The following PSTPIP2 variants were observed in gnomAD, a reference collection of about 807,000 sequenced individuals.
The protein encoded by PSTPIP2 is proline-serine-threonine phosphatase-interacting protein 2.
In PSTPIP2, 33 loss-of-function variants were observed where a neutral mutation model predicts 63.3. The ratio of observed to expected loss-of-function variants is 0.52; its 90% CI spans 0.40 to 0.70. PSTPIP2 has a LOEUF of 0.70. PSTPIP2 is among the 30% of genes least tolerant of loss of function. The probability of loss-of-function intolerance (pLI) is 0.00; values close to 1 mark genes in which losing one functional copy is unlikely to be tolerated. For missense variants in PSTPIP2, 312 were observed against 400.7 expected, an observed-to-expected ratio of 0.78 and a Z score of 1.89; for synonymous variants, 125 against 132.7, an observed-to-expected ratio of 0.94 and a Z score of 0.40.
intron 9 of PSTPIP2, among the ~76,000 whole-genome samples, chr18:45,994,248 A>T (rs1476389048): frequency 6.6e-6 from 1 of 152,238 alleles, no homozygotes; most frequent in East Asian, 1.9e-4. Context: ...ATCACCTTTA[A>T]AAAAATCAAG....
chr18:45,992,043 A>T (rs2051540398), intron 11 of PSTPIP2, 60 bp from the exon 12 acceptor site: 2 of 1,593,860 alleles, frequency 1.3e-6, no homozygotes, highest in Admixed American at 1.7e-5. Flanking sequence ...CCTTAATGAC[A>T]TCTAACAAGA....
chr18:46,016,072 A>G (rs2051850100), intron 3 of PSTPIP2, 135 bp from the exon 4 acceptor site: 1 of 943,972 alleles, frequency 1.1e-6, no homozygotes, highest in Non-Finnish European at 1.6e-6. Flanking sequence ...CATGAGCTAG[A>G]GAGACAGCAA....
At chr18:46,036,068 A>G (rs576570697) in intron 2 of PSTPIP2, among the ~76,000 whole-genome samples, 61 of 150,694 alleles carry the variant, frequency 4.0e-4, no homozygotes, top group African/African-American at 1.4e-3. Flanking sequence ...TTTGTTACTT[A>G]CAGTATTATT....
At chr18:46,005,313 A>G (rs529432005) in intron 6 of PSTPIP2, among the ~76,000 whole-genome samples, 156 bp downstream of exon 6, 16 of 152,200 alleles carry the variant, frequency 1.1e-4, no homozygotes, top group Non-Finnish European at 1.8e-4. Flanking sequence ...ACAAAAAAGA[A>G]AACCCAAAGC....
intron 2 of PSTPIP2, among the ~76,000 whole-genome samples, chr18:46,035,164 G>A (rs975668733): frequency 6.6e-6 from 1 of 152,106 alleles, no homozygotes; most frequent in Non-Finnish European, 1.5e-5. Context: ...GCTCACACCT[G>A]TAATCCCAGC....
chr18:45,992,340 A>C (rs1158393905), intron 10 of PSTPIP2, 138 bp from the exon 11 acceptor site: 5 of 693,978 alleles, frequency 7.2e-6, no homozygotes, highest in Non-Finnish European at 1.3e-5. Flanking sequence ...GGGTGGGCGG[A>C]TCACAAGGTC....
chr18:45,994,629 A>G (rs2051574237), intron 9 of PSTPIP2, among the ~76,000 whole-genome samples: 1 of 152,206 alleles, frequency 6.6e-6, no homozygotes, highest in Non-Finnish European at 1.5e-5. Flanking sequence ...AAATAAAACA[A>G]AACTTCCAAC....
At chr18:46,055,810 G>A (rs1314562494) in intron 1 of PSTPIP2, among the ~76,000 whole-genome samples, 1 of 152,108 alleles carries the variant, frequency 6.6e-6, no homozygotes, top group African/African-American at 2.4e-5. Flanking sequence ...TTTTTTATTA[G>A]TAGTAAAGTA....
chr18:46,021,678 G>T (rs1907357370), intron 3 of PSTPIP2, among the ~76,000 whole-genome samples: 1 of 151,180 alleles, frequency 6.6e-6, no homozygotes, highest in African/African-American at 2.4e-5. Context: ...AGAGACGGTG[G>T]CTCATGCCTG....
chr18:46,045,633 C>T lies in PSTPIP2; in HGVS notation c.34-5586G>A, dbSNP rs965649693. Among the ~76,000 whole-genome samples the T allele has an allele frequency of 1.3e-4, 20 of 151,730 alleles. No homozygotes were observed. The East Asian group carries it at 3.3e-3, about 25-fold the overall frequency. ...ATATGTAACTAACCTGCACATTGTG[C>T]ACATGTACCCTAAAACTTAAAGTAT... On this transcript the variant is annotated intron_variant, in intron 1 of 14. Transcript: ENST00000409746.
intron 2 of PSTPIP2, chr18:46,028,809 G>A: frequency 2.7e-6 from 4 of 1,462,650 alleles, no homozygotes; most frequent in Admixed American, 3.4e-5. Context: ...AGACTAATAA[G>A]CTGAAAACAA....
chr18:46,043,386 G>C (rs1201922791), intron 1 of PSTPIP2, among the ~76,000 whole-genome samples: 1 of 150,174 alleles, frequency 6.7e-6, no homozygotes, highest in Non-Finnish European at 1.5e-5. Flanking sequence ...GTGAGCCCCT[G>C]TCTCAAAATG....
chr18:46,040,355 T>G (rs2144111569), intron 1 of PSTPIP2: 1 of 254,032 alleles, frequency 3.9e-6, no homozygotes, highest in East Asian at 9.8e-5. Context: ...AGATGTTTGG[T>G]TCCCTATAGA....
At chr18:46,042,777 C>T (rs1908238209) in intron 1 of PSTPIP2, among the ~76,000 whole-genome samples, 1 of 152,132 alleles carries the variant, frequency 6.6e-6, no homozygotes, top group Non-Finnish European at 1.5e-5. Flanking sequence ...CTTGGTGCAT[C>T]GTGCAGCCCT....
rs2051440566 is a variant in PSTPIP2, at chr18:45,983,747, G to A, written c.*1712C>T. On this transcript the variant is annotated 3_prime_UTR_variant, in exon 15 of 15. Transcript: ENST00000409746. ...ATTTCCTGAGCCCGTTCAGTTTGGG[G>A]AAATTTGGCCCTTTGCAAAATTCAG... The A allele has an allele frequency of 6.6e-6, 1 of 152,166 alleles. No homozygotes were observed. Among genetic ancestry groups the A allele is most frequent in the South Asian group, 2.1e-4 (1 of 4,834 alleles). 9.4% of individuals were successfully genotyped at this position (152,166 alleles called of 1,614,324 possible).
chr18:46,054,662 A>G (rs1003353946), intron 1 of PSTPIP2, among the ~76,000 whole-genome samples: 1 of 129,436 alleles, frequency 7.7e-6, no homozygotes, highest in Non-Finnish European at 1.6e-5. Flanking sequence ...AAAACCTACT[A>G]ATTTTTTTTT....
At chr18:45,998,504 G>C (rs955093473) in intron 8 of PSTPIP2, among the ~76,000 whole-genome samples, 1 of 152,118 alleles carries the variant, frequency 6.6e-6, no homozygotes, top group Admixed American at 6.6e-5. Flanking sequence ...ATGTAAGGCA[G>C]CAAGATCTAA....
Position 45,992,090 on chromosome 18 carries a change from C to T in PSTPIP2, c.838+16G>A, listed in dbSNP as rs1347892887. 1.5e-5 allele frequency: 24 copies of T among 1,602,094 alleles called. No individual in the cohort carries two copies. Among genetic ancestry groups the T allele is most frequent in the Non-Finnish European group, 2.0e-5 (24 of 1,172,188 alleles). On this transcript the variant is annotated intron_variant, in intron 11 of 14. Coordinates refer to ENST00000409746, the MANE Select transcript of PSTPIP2 (RefSeq NM_024430.4). ...AATTGTGTAAATAACACTCCCCACC[C>T]CACTGCCCCATTCACCTGGTGGAAT...
At chr18:46,012,911 A>G (rs1257442013) in intron 4 of PSTPIP2, among the ~76,000 whole-genome samples, 1 of 152,190 alleles carries the variant, frequency 6.6e-6, no homozygotes, top group East Asian at 1.9e-4. Flanking sequence ...GAAATTGTGG[A>G]CCACTGCCAT....
Sources: gnomAD v4.1 joint callset for allele counts (sites outside exome capture counted in the v4.1 genomes callset) on GRCh38, gnomAD v4.1.1 for gene constraint, MANE v1.5 for transcripts, NCBI Gene and HGNC (gene_info 2026-07-23, HGNC 2026-07-21) for gene names.